Variants in PHLDB2 observed in about 807,000 individuals in gnomAD.
PHLDB2 encodes pleckstrin homology-like domain family B member 2.
In PHLDB2, 71 loss-of-function variants were observed where a neutral mutation model predicts 123.6. The observed-to-expected ratio is 0.57, with a 90% CI of 0.47 to 0.70. The LOEUF (loss-of-function observed/expected upper bound fraction) is 0.70. Ranked by LOEUF, PHLDB2 falls within the 30% of genes least tolerant of loss-of-function variation. The pLI, the probability that PHLDB2 is intolerant of heterozygous loss-of-function variation, is 0.00. For missense variants in PHLDB2, 1,446 were observed against 1,519.5 expected, an observed-to-expected ratio of 0.95 and a Z score of 0.80; for synonymous variants, 547 against 541.6, an observed-to-expected ratio of 1.01 and a Z score of -0.14.
At chr3:111,739,325 C>A (rs1576483643) in intron 1 of PHLDB2, among the ~76,000 whole-genome samples, 2 of 152,064 alleles carry the variant, frequency 1.3e-5, no homozygotes, top group Admixed American at 1.3e-4. Context: ...CATCTGAATT[C>A]TCTTGTCCAG....
intron 5 of PHLDB2, among the ~76,000 whole-genome samples, chr3:111,925,361 T>C (rs2068754800): frequency 1.3e-5 from 2 of 152,228 alleles, no homozygotes; most frequent in South Asian, 4.1e-4. Flanking sequence ...ACTGGCCTTT[T>C]ATTACCCTTA....
chr3:111,826,053 G>C (rs1017283712), intron 1 of PHLDB2, among the ~76,000 whole-genome samples: 1 of 151,966 alleles, frequency 6.6e-6, no homozygotes, highest in East Asian at 1.9e-4. Context: ...TGTAATGCCA[G>C]CACTTTGAGA....
chr3:111,913,972 G>T, intron 3 of PHLDB2: 1 of 420,206 alleles, frequency 2.4e-6, no homozygotes, highest in Non-Finnish European at 4.2e-6. Context: ...GTACACCTGA[G>T]TGATAAGCAG....
At chr3:111,795,320 G>A (rs2061105610) in intron 1 of PHLDB2, among the ~76,000 whole-genome samples, 1 of 152,046 alleles carries the variant, frequency 6.6e-6, no homozygotes, top group Non-Finnish European at 1.5e-5. Context: ...CCAAGGAGAG[G>A]ATGTACCCTA....
intron 3 of PHLDB2, chr3:111,915,253 A>G (rs1208649348): frequency 6.6e-6 from 1 of 152,192 alleles, no homozygotes; most frequent in Admixed American, 6.5e-5. Context: ...AAATTCTGGC[A>G]GTAATTTATC....
chr3:111,834,186 A>T lies in PHLDB2; in HGVS notation c.-48-11635A>T, dbSNP rs373070196. Among the ~76,000 whole-genome samples, 193 of 92,950 alleles carry T rather than the reference A, an allele frequency of 2.1e-3. 4 individuals are homozygous for T. Among genetic ancestry groups the T allele is most frequent in the East Asian group, 7.5e-3 (21 of 2,808 alleles). 61.0% of individuals were successfully genotyped at this position (92,950 alleles called of 152,430 possible). ...TATATGTAATAGAATTATATATATT[A>T]TATATGTAATAGAATTATATATGTA... On this transcript the variant is annotated intron_variant, in intron 1 of 17. Coordinates refer to the PHLDB2 transcript ENST00000393923.
exon 1 of PHLDB2, chr3:111,732,673 G>C: frequency 5.2e-6 from 8 of 1,535,810 alleles, no homozygotes; most frequent in Non-Finnish European, 6.1e-6. Flanking sequence ...GAAGCTGAGG[G>C]AAGAGTCGGG....
chr3:111,872,551 A>G (rs1267861663), intron 1 of PHLDB2, among the ~76,000 whole-genome samples: 3 of 151,996 alleles, frequency 2.0e-5, no homozygotes, highest in Non-Finnish European at 4.4e-5. Flanking sequence ...TCCTGCTCTC[A>G]TTGCCTAGGG....
chr3:111,788,023 A>G (rs908258366), intron 1 of PHLDB2, among the ~76,000 whole-genome samples: 10 of 152,314 alleles, frequency 6.6e-5, no homozygotes, highest in African/African-American at 2.4e-4. Context: ...AATTGGAAAC[A>G]GGTCAAGACT....
At chr3:111,802,324 A>G (rs1203988551) in intron 1 of PHLDB2, among the ~76,000 whole-genome samples, 1 of 152,214 alleles carries the variant, frequency 6.6e-6, no homozygotes, top group African/African-American at 2.4e-5. Flanking sequence ...AGAGTGAAGA[A>G]TAAAGGGGAG....
Position 111,962,289 on chromosome 3 carries a change from T to G in PHLDB2, c.3054T>G (p.Ala1018=), listed in dbSNP as rs200751128. ...SSDSMETSIS[A]CSPDNISSAS... ...ATAGCATGGAGACCAGCATCTCTGC[T>G]TGCTCACCAGACAACATCTCTAGGT... Residue 1018 remains alanine, a synonymous_variant, in exon 13 of 18, where the codon GCT becomes GCG. Transcript: ENST00000431670. 9.4e-6 allele frequency: 15 copies of G among 1,588,392 alleles called. No individual in the cohort carries two copies. The highest frequency in any genetic ancestry group is 1.3e-5 in the Non-Finnish European group (15 of 1,173,530).
chr3:111,732,545 G>A (rs1941534180), exon 1 of PHLDB2: 1 of 1,339,776 alleles, frequency 7.5e-7, no homozygotes, highest in South Asian at 1.3e-5. Flanking sequence ...AAATGGAAAG[G>A]AACCTCACCT....
At chr3:111,889,393 C>CT (rs573206904) in intron 2 of PHLDB2, among the ~76,000 whole-genome samples, 19,996 of 147,046 alleles carry the variant, frequency 0.14, 1,480 homozygotes, top group South Asian at 0.3. Flanking sequence ...CAAATCAGGT[C>CT]TTTTTTTTTT....
chr3:111,909,496 C>T (rs1179015553), intron 2 of PHLDB2, among the ~76,000 whole-genome samples: 1 of 152,116 alleles, frequency 6.6e-6, no homozygotes. Context: ...ACTCTGGAGG[C>T]TGAGGTGGGA....
chr3:111,900,592 A>G (rs1196240303), intron 2 of PHLDB2, among the ~76,000 whole-genome samples: 2 of 152,214 alleles, frequency 1.3e-5, no homozygotes, highest in Non-Finnish European at 2.9e-5. Flanking sequence ...TGTGGTGTCC[A>G]AAACTATTAC....
intron 11 of PHLDB2, 168 bp from the exon 12 acceptor site, chr3:111,953,762 G>A (rs151142891): frequency 1.3e-4 from 67 of 511,294 alleles, no homozygotes; most frequent in African/African-American, 9.6e-4. Context: ...CTTCTCGGGA[G>A]GGCCAGTAAC....
At chr3:111,830,955 G>GAGAGAGAGAAAGAAAGAAAGAAAGAA (rs1553736315) in intron 1 of PHLDB2, among the ~76,000 whole-genome samples, 17 of 63,674 alleles carry the variant, frequency 2.7e-4, no homozygotes, top group Admixed American at 6.3e-4. Flanking sequence ...AAGAAAGAAA[G>GAGAGAGAGAAAGAAAGAAAGAAAGAA]AGAAAGAAAG....
At position 111,755,394 on chromosome 3, in the gene PHLDB2, C is replaced by T. The variant is rs1182841604; in HGVS notation, c.-49+22691C>T. Among the ~76,000 whole-genome samples, 141 of 143,188 alleles carry T rather than the reference C, an allele frequency of 9.8e-4. 1 individual carries two copies. Among genetic ancestry groups the T allele is most frequent in the African/African-American group, 3.4e-3 (130 of 38,138 alleles). The allele number at this position is 143,188 out of a possible 152,430, so 93.9% of individuals were successfully genotyped here. A position where few individuals can be genotyped will look rare whatever the true frequency, so the allele number is the denominator to read the frequency against. Reference sequence around the variant, plus strand: ...TTTAGTCTTGGGAGGGTGTATGTGTCGAGGAATTTATCCATTTCTTCTAGA... The same window carrying T: ...TTTAGTCTTGGGAGGGTGTATGTGTTGAGGAATTTATCCATTTCTTCTAGA... On this transcript the variant is annotated intron_variant, in intron 1 of 17. Transcript: ENST00000393923.
At chr3:111,878,977 C>T (rs1354644561) in intron 1 of PHLDB2, among the ~76,000 whole-genome samples, 1 of 152,076 alleles carries the variant, frequency 6.6e-6, no homozygotes, top group African/African-American at 2.4e-5. Context: ...AAGATTTTTG[C>T]ATTGATGTTC....
Sources: allele counts gnomAD v4.1 joint callset (sites outside exome capture counted in the v4.1 genomes callset), GRCh38; gene constraint gnomAD v4.1.1; transcripts MANE v1.5; gene names NCBI Gene and HGNC (gene_info 2026-07-23, HGNC 2026-07-21).